ATF3: variants seen among roughly 807,000 people sequenced by gnomAD.
The protein encoded by ATF3 is cyclic AMP-dependent transcription factor ATF-3.
A neutral mutation model predicts 18.4 loss-of-function variants in ATF3; 10 were observed. The observed-to-expected ratio is 0.54, with a 90% CI of 0.34 to 0.92. The LOEUF (loss-of-function observed/expected upper bound fraction) is 0.92, where lower values mean the gene tolerates loss of function less well. ATF3 is among the 40% of genes least tolerant of loss of function. The probability of loss-of-function intolerance (pLI) is 0.02; values close to 1 mark genes in which losing one functional copy is unlikely to be tolerated. For missense variants in ATF3, 183 were observed against 222.3 expected (o/e 0.82, Z 1.12); for synonymous variants, 78 against 87.9 (o/e 0.89, Z 0.63).
At chr1:212,607,988 A>C (rs1002746598), upstream of ATF3, among the ~76,000 whole-genome samples, 1 of 151,796 alleles carries the variant, frequency 6.6e-6, no homozygotes, top group African/African-American at 2.4e-5. Flanking sequence ...GTGTGCGTCC[A>C]TGTGGAGTGT....
At chr1:212,603,193 G>A (rs905984244) in intron 1 of ATF3, among the ~76,000 whole-genome samples, 3 of 152,164 alleles carry the variant, frequency 2.0e-5, no homozygotes, top group Non-Finnish European at 4.4e-5. Flanking sequence ...AGATGCTAGA[G>A]CTGCCCGAGC....
upstream of ATF3, among the ~76,000 whole-genome samples, chr1:212,603,782 G>A (rs1468726218): frequency 1.5e-5 from 2 of 133,412 alleles, no homozygotes; most frequent in African/African-American, 6.8e-5. Context: ...ATATATGTGT[G>A]TGTGTGTGTG....
intron 1 of ATF3, among the ~76,000 whole-genome samples, chr1:212,612,677 G>T (rs1180495182): frequency 6.6e-6 from 1 of 152,228 alleles, no homozygotes; most frequent in Non-Finnish European, 1.5e-5. Flanking sequence ...TTTGGGAAAA[G>T]AATTACATAC....
intron 1 of ATF3, among the ~76,000 whole-genome samples, chr1:212,611,443 C>T (rs971722080): frequency 5.9e-5 from 9 of 152,168 alleles, no homozygotes; most frequent in African/African-American, 2.2e-4. Flanking sequence ...TTGGGGAAGG[C>T]AGTTTTGATC....
Position 212,618,183 on chromosome 1 carries a change from A to G in ATF3, c.297A>G (p.Ala99=), listed in dbSNP as rs113069548. ...KKRRRERNKI[A]AAKCRNKKKE... Reference sequence around the variant, plus strand: ...GGCGACGAGAAAGAAATAAGATTGCAGCTGCAAAGTGCCGAAACAAGAAGA... The same window carrying G: ...GGCGACGAGAAAGAAATAAGATTGCGGCTGCAAAGTGCCGAAACAAGAAGA... The change falls in exon 3 of 4, where the codon GCA becomes GCG. Residue 99 remains alanine (A), a synonymous_variant. Transcript: ENST00000341491. The surrounding 1 kb of genome is among the most constrained non-coding windows in gnomAD (Gnocchi z 4.4). The G allele has an allele frequency of 7.4e-6, 12 of 1,614,198 alleles. No homozygotes were observed. The highest frequency in any genetic ancestry group is 1.0e-5 in the Non-Finnish European group (12 of 1,180,012).
chr1:212,573,327 T>C (rs1664517903), intron 1 of ATF3, among the ~76,000 whole-genome samples: 1 of 152,112 alleles, frequency 6.6e-6, no homozygotes, highest in Admixed American at 6.5e-5. Flanking sequence ...AGCTGTTGAA[T>C]TCTAATGTAT....
intron 1 of ATF3, among the ~76,000 whole-genome samples, chr1:212,585,404 C>T (rs1428649977): frequency 6.6e-6 from 1 of 152,204 alleles, no homozygotes. Context: ...TTGCCTCTGC[C>T]TAGAGCCCTC....
chr1:212,579,362 A>G (rs955375611), intron 1 of ATF3, among the ~76,000 whole-genome samples: 1 of 152,038 alleles, frequency 6.6e-6, no homozygotes, highest in Non-Finnish European at 1.5e-5. Flanking sequence ...AGTTCCATGT[A>G]CCTTCCCCAT....
At chr1:212,577,429 T>A (rs1249837529) in intron 1 of ATF3, among the ~76,000 whole-genome samples, 1 of 152,222 alleles carries the variant, frequency 6.6e-6, no homozygotes, top group Non-Finnish European at 1.5e-5. Context: ...TAGCATTCAC[T>A]CTGTTAAGCA....
rs866079903 is a variant in ATF3, at chr1:212,576,726, T to C, written c.-5+11243T>C. On this transcript the variant is annotated intron_variant, in intron 1 of 3. Transcript: ENST00000366981. ...ATATTCTTTTCTTTTCTTTTCTTTT[T>C]TTTTTTTTTTTTTTTTTTTGAGGCA... Among the ~76,000 whole-genome samples, 43 of 123,266 alleles carry C rather than the reference T, an allele frequency of 3.5e-4. 1 individual carries two copies. The highest frequency in any genetic ancestry group is 1.7e-3 in the South Asian group (6 of 3,486). The allele number at this position is 123,266 out of a possible 152,430, so 80.9% of individuals were successfully genotyped here. A position where few individuals can be genotyped will look rare whatever the true frequency, so the allele number is the denominator to read the frequency against.
At chr1:212,596,872 C>A (rs1258026309) in intron 1 of ATF3, among the ~76,000 whole-genome samples, 2 of 152,192 alleles carry the variant, frequency 1.3e-5, no homozygotes, top group Admixed American at 6.5e-5. Context: ...TTAAATTAAG[C>A]TTAAGAGGAG....
chr1:212,591,028 A>G (rs549241684), intron 1 of ATF3, among the ~76,000 whole-genome samples: 1 of 152,292 alleles, frequency 6.6e-6, no homozygotes, highest in African/African-American at 2.4e-5. Flanking sequence ...TACACACAAG[A>G]CCGTCCACCA....
chr1:212,608,339 C>G (rs564050138), upstream of ATF3, among the ~76,000 whole-genome samples: 7 of 152,318 alleles, frequency 4.6e-5, no homozygotes, highest in East Asian at 5.8e-4. Flanking sequence ...CCCCGCCCCC[C>G]CCGCTCTTCA....
At chr1:212,594,496 G>T (rs1357900910) in intron 1 of ATF3, among the ~76,000 whole-genome samples, 1 of 152,140 alleles carries the variant, frequency 6.6e-6, no homozygotes, top group Non-Finnish European at 1.5e-5. Context: ...GAGTCCTACT[G>T]GTGTCAGATT....
chr1:212,602,327 C>T (rs754214035), intron 1 of ATF3, among the ~76,000 whole-genome samples: 5 of 152,192 alleles, frequency 3.3e-5, no homozygotes, highest in Admixed American at 1.3e-4. Flanking sequence ...AGCAGCATCT[C>T]CCCAGGTGGA....
chr1:212,573,038 C>T (rs562110720), intron 1 of ATF3, among the ~76,000 whole-genome samples: 55 of 152,020 alleles, frequency 3.6e-4, no homozygotes, highest in African/African-American at 8.0e-4. Context: ...TTTGAATTTC[C>T]GGGAATGTAA....
intron 1 of ATF3, among the ~76,000 whole-genome samples, chr1:212,588,626 A>AAACAACAAC (rs71147009): frequency 8.9e-6 from 1 of 112,636 alleles, no homozygotes; most frequent in African/African-American, 3.3e-5. Context: ...TATAATGAAA[A>AAACAACAAC]AACAACAACC....
Position 212,594,829 on chromosome 1 carries a change from G to T in ATF3, c.-4-20189G>T, listed in dbSNP as rs554057214. 7.4e-4 allele frequency among the ~76,000 whole-genome samples: 112 copies of T among 152,326 alleles called. 1 individual carries two copies. Among genetic ancestry groups the T allele is most frequent in the African/African-American group, 2.5e-3 (105 of 41,566 alleles). On this transcript the variant is annotated intron_variant, in intron 1 of 3. Transcript: ENST00000366981. The stretch of plus-strand genomic sequence containing the variant: ...TACTGGGCCCCTTACAGGCCTACAG[G>T]TCAGGGGAAAGAAGAGAGTGTTGCC...
intron 1 of ATF3, among the ~76,000 whole-genome samples, chr1:212,597,423 C>CTATCTATT (rs1553302902): frequency 3.5e-5 from 2 of 57,198 alleles, no homozygotes; most frequent in South Asian, 5.7e-4. Flanking sequence ...ATCTATTTAT[C>CTATCTATT]TATCTATCTA....
Sources: allele counts gnomAD v4.1 joint callset (sites outside exome capture counted in the v4.1 genomes callset), GRCh38; gene constraint gnomAD v4.1.1; non-coding constraint Gnocchi (gnomAD v3.1); transcripts MANE v1.5; gene names NCBI Gene and HGNC (gene_info 2026-07-23, HGNC 2026-07-21).